Variants in COL5A1 observed in about 807,000 individuals in gnomAD.
COL5A1 encodes collagen alpha-1(V) chain.
COL5A1 carries 16 observed loss-of-function variants against 263.7 expected under a neutral mutation model. The observed-to-expected ratio is 0.06, with a 90% confidence interval of 0.04 to 0.09. The LOEUF (loss-of-function observed/expected upper bound fraction) is 0.09. Ranked by LOEUF, COL5A1 falls within the 10% of genes least tolerant of loss-of-function variation. COL5A1 has a pLI of 1.00. For missense variants in COL5A1, 2,036 were observed against 2,540.5 expected, an observed-to-expected ratio of 0.80 and a Z score of 4.27; for synonymous variants, 1,012 against 1,004.5, an observed-to-expected ratio of 1.01 and a Z score of -0.14.
At chr9:134,810,387 C>G in intron 44 of COL5A1, 79 bp downstream of exon 44, 7 of 1,384,156 alleles carry the variant, frequency 5.1e-6, no homozygotes, top group Non-Finnish European at 7.1e-6. Context: ...GTGTGCCATG[C>G]ACGTTCTCTT....
intron 1 of COL5A1, among the ~76,000 whole-genome samples, chr9:134,676,363 G>A (rs372410510): frequency 2.2e-4 from 33 of 152,204 alleles, no homozygotes; most frequent in Middle Eastern, 3.2e-3. Context: ...ATCTCAGGCC[G>A]TCTGCATGAA....
At chr9:134,820,848 G>T (rs1001012653) in intron 58 of COL5A1, among the ~76,000 whole-genome samples, 4 of 152,128 alleles carry the variant, frequency 2.6e-5, no homozygotes, top group Non-Finnish European at 4.4e-5. Context: ...AGGGCCACGG[G>T]TCCTTATTCC....
intron 64 of COL5A1, chr9:134,830,322 TAG>T: frequency 1.2e-6 from 1 of 815,622 alleles, no homozygotes; most frequent in South Asian, 1.7e-5. Flanking sequence ...AAGACTCAGC[TAG>T]GTGTGGAGTC....
chr9:134,715,161 G>A (rs1479058611), intron 4 of COL5A1, among the ~76,000 whole-genome samples: 1 of 151,996 alleles, frequency 6.6e-6, no homozygotes, highest in Admixed American at 6.6e-5. Context: ...AGGACAATAG[G>A]GTAATAGTGG....
chr9:134,822,572 G>A (rs1246563896), intron 59 of COL5A1, among the ~76,000 whole-genome samples: 2 of 152,120 alleles, frequency 1.3e-5, no homozygotes, highest in Admixed American at 6.5e-5. Context: ...AGCATTCCCA[G>A]GGCATCCCCA....
At chr9:134,777,290 T>A (rs571373951) in intron 27 of COL5A1, among the ~76,000 whole-genome samples, 1 of 152,356 alleles carries the variant, frequency 6.6e-6, no homozygotes, top group South Asian at 2.1e-4. Context: ...TGCGCACATC[T>A]GGTCCCAGCC....
intron 1 of COL5A1, among the ~76,000 whole-genome samples, chr9:134,675,846 A>G (rs1424507471): frequency 2.0e-5 from 3 of 152,128 alleles, no homozygotes; most frequent in African/African-American, 7.2e-5. Flanking sequence ...ATTCCAAGAG[A>G]CATGGGAGTA....
rs764142685 is a variant in COL5A1 at position 134,728,819 on chromosome 9, G to T, written c.924+12G>T. On this transcript the variant is annotated intron_variant, in intron 6 of 65. Coordinates refer to ENST00000371817, the MANE Select transcript of COL5A1 (RefSeq NM_000093.5). The stretch of plus-strand genomic sequence containing the variant: ...CAGAGGTCCCCGAGGTCTGGGCTGA[G>T]CGGGGGACTGGGTTGGGCTGGGCCC... The T allele has an allele frequency of 6.2e-7, 1 of 1,614,006 alleles. No homozygotes were observed. The highest frequency in any genetic ancestry group is 1.1e-5 in the South Asian group (1 of 91,082).
chr9:134,824,545 C>T (rs1428638733), intron 61 of COL5A1, 55 bp from the exon 62 acceptor site: 5 of 1,608,448 alleles, frequency 3.1e-6, no homozygotes, highest in Non-Finnish European at 4.2e-6. Context: ...CTGCTCATAT[C>T]CTGGGACCCT....
chr9:134,749,317 G>T (rs565215305), intron 11 of COL5A1, among the ~76,000 whole-genome samples: 23 of 152,338 alleles, frequency 1.5e-4, no homozygotes, highest in African/African-American at 5.5e-4. Context: ...CAGCATGTGC[G>T]TCTTCATCTT....
intron 4 of COL5A1, among the ~76,000 whole-genome samples, chr9:134,703,371 G>A (rs1402862252): frequency 6.6e-6 from 1 of 152,256 alleles, no homozygotes; most frequent in Non-Finnish European, 1.5e-5. Flanking sequence ...GGGGTTAAAA[G>A]CTGCCTTGGA....
Position 134,642,186 on chromosome 9 carries a change from G to A in COL5A1, c.-2G>A. 1 of 1,271,460 alleles carries A rather than the reference G, an allele frequency of 7.9e-7. No homozygotes were observed. The highest frequency in any genetic ancestry group is 2.9e-5 in the South Asian group (1 of 34,168). The allele number at this position is 1,271,460 out of a possible 1,614,324, so 78.8% of individuals were successfully genotyped here. On this transcript the variant is annotated 5_prime_UTR_variant, in exon 1 of 66. Coordinates refer to ENST00000371817, the MANE Select transcript of COL5A1 (RefSeq NM_000093.5). The surrounding 1 kb of genome is among the most constrained non-coding windows in gnomAD (Gnocchi z 4.5). Reference sequence around the variant, plus strand: ...GTGCGCCCCGGCCCGCGCCCCGCCGGCATGGACGTCCATACCCGCTGGAAA... The same window carrying A: ...GTGCGCCCCGGCCCGCGCCCCGCCGACATGGACGTCCATACCCGCTGGAAA...
intron 18 of COL5A1, among the ~76,000 whole-genome samples, chr9:134,759,521 ACAC>A (rs1836169124): frequency 9.0e-6 from 1 of 110,706 alleles, no homozygotes; most frequent in Non-Finnish European, 1.8e-5. Flanking sequence ...ACACATACAC[ACAC>A]CACATACACC....
chr9:134,748,815 G>A (rs1042070918), intron 11 of COL5A1, among the ~76,000 whole-genome samples: 2 of 152,220 alleles, frequency 1.3e-5, no homozygotes, highest in East Asian at 1.9e-4. Flanking sequence ...AACGTGCATC[G>A]GCAGAAGACG....
At chr9:134,752,244 C>T (rs73558060) in intron 13 of COL5A1, among the ~76,000 whole-genome samples, 2 of 150,888 alleles carry the variant, frequency 1.3e-5, no homozygotes, top group African/African-American at 5.0e-5. Context: ...GAGTAAGAGG[C>T]TTATTTCTGA....
chr9:134,760,833 C>A (rs994969240), intron 18 of COL5A1, among the ~76,000 whole-genome samples: 6 of 149,318 alleles, frequency 4.0e-5, no homozygotes, highest in African/African-American at 1.5e-4. Flanking sequence ...TACACACATG[C>A]ACACATGCAT....
intron 42 of COL5A1, 149 bp downstream of exon 42, chr9:134,806,445 C>T (rs1838300063): frequency 1.6e-5 from 10 of 625,686 alleles, no homozygotes; most frequent in South Asian, 4.1e-5. Context: ...TAGGACAGAG[C>T]GTGTGTCCCA....
In COL5A1 at chr9:134,794,969, T is replaced by A; in HGVS notation, c.2701-113T>A. 1.7e-6 allele frequency: 2 copies of A among 1,196,426 alleles called. No homozygotes were observed. Among genetic ancestry groups the A allele is most frequent in the Non-Finnish European group, 1.2e-6 (1 of 814,224 alleles). The allele number at this position is 1,196,426 out of a possible 1,614,324, so 74.1% of individuals were successfully genotyped here. On this transcript the variant is annotated intron_variant, in intron 32 of 65. Transcript: ENST00000371817. The surrounding 1 kb of genome is among the most constrained non-coding windows in gnomAD (Gnocchi z 4.3). ...AAGGTGGGTGGCGGGGAGGCCCAGG[T>A]TCCTCCTATCCTGCTCTGAATTCAC...
At chr9:134,736,115 G>A (rs1469156288) in intron 9 of COL5A1, among the ~76,000 whole-genome samples, 1 of 152,244 alleles carries the variant, frequency 6.6e-6, no homozygotes, top group African/African-American at 2.4e-5. Flanking sequence ...CCCCTCACCA[G>A]CCTGGTACCC....
Sources: gnomAD v4.1 joint callset for allele counts (sites outside exome capture counted in the v4.1 genomes callset) on GRCh38, gnomAD v4.1.1 for gene constraint, Gnocchi (gnomAD v3.1) non-coding constraint, MANE v1.5 for transcripts, NCBI Gene and HGNC (gene_info 2026-07-23, HGNC 2026-07-21) for gene names.